SPATA13: variants seen among roughly 807,000 people sequenced by gnomAD.
SPATA13 encodes the protein spermatogenesis-associated protein 13.
Under a neutral mutation model 104.0 loss-of-function variants are expected in SPATA13, and 50 were observed. The ratio of observed to expected loss-of-function variants is 0.48; its 90% CI spans 0.38 to 0.61. The LOEUF (loss-of-function observed/expected upper bound fraction) is 0.61. Ranked by LOEUF, SPATA13 falls within the 20% of genes least tolerant of loss-of-function variation. The probability of loss-of-function intolerance (pLI) is 0.00; values close to 1 mark genes in which losing one functional copy is unlikely to be tolerated. For synonymous variants in SPATA13, 606 were observed against 667.5 expected (o/e 0.91, Z 1.42); for missense variants, 1,524 against 1,690.6 (o/e 0.90, Z 1.73).
intron 1 of SPATA13, among the ~76,000 whole-genome samples, chr13:24,189,947 A>AAT (rs1294852721): frequency 3.0e-5 from 1 of 32,974 alleles, no homozygotes; most frequent in African/African-American, 1.1e-4. Context: ...TATATTACAT[A>AAT]ATATATTATA....
At chr13:23,999,102 T>A (rs1264715056) in intron 2 of SPATA13, among the ~76,000 whole-genome samples, 11 of 152,050 alleles carry the variant, frequency 7.2e-5, no homozygotes, top group South Asian at 2.1e-4. Context: ...ACTTTTTGTA[T>A]TGTTAGTAGA....
intron 3 of SPATA13, among the ~76,000 whole-genome samples, chr13:24,095,046 A>G (rs1880027709): frequency 1.3e-5 from 2 of 152,204 alleles, no homozygotes; most frequent in Non-Finnish European, 2.9e-5. Flanking sequence ...CAGCAATCCC[A>G]CTTCTGGGTA....
intron 12 of SPATA13, 41 bp downstream of exon 12, chr13:24,300,516 G>A: frequency 6.3e-7 from 1 of 1,580,326 alleles, no homozygotes; most frequent in South Asian, 1.1e-5. Context: ...ATGCTTATCA[G>A]TATTCTCCTG....
At chr13:24,036,664 G>T (rs532223937) in intron 3 of SPATA13, among the ~76,000 whole-genome samples, 33 of 152,092 alleles carry the variant, frequency 2.2e-4, no homozygotes, top group South Asian at 1.0e-3. Flanking sequence ...CTAAAACTTC[G>T]CAATTCTGTG....
upstream of SPATA13, among the ~76,000 whole-genome samples, chr13:24,158,161 G>A (rs1882319020): frequency 6.6e-6 from 1 of 152,214 alleles, no homozygotes; most frequent in Non-Finnish European, 1.5e-5. Flanking sequence ...TTGGGTGAAA[G>A]TTTTGAATAT....
intron 2 of SPATA13, among the ~76,000 whole-genome samples, chr13:23,997,921 G>T (rs1319680256): frequency 2.0e-5 from 3 of 152,144 alleles, no homozygotes; most frequent in Non-Finnish European, 4.4e-5. Context: ...ATCAGTCTTG[G>T]AGGGGACAAA....
rs1458068316 is a variant in SPATA13, at chr13:24,103,504, A to AAAAAAAAAAAAAAAAAAAAG, written c.-112+85804_-112+85805insAAAAAAAAAAAAAAAAAAGA. The stretch of plus-strand genomic sequence containing the variant: ...TGTCTCAAAAAAAAAAAAAAAAAAC[A>AAAAAAAAAAAAAAAAAAAAG]AGAAAGAAAAGAGCAGGGGAGGAGA... On this transcript the variant is annotated intron_variant, in intron 3 of 14. Coordinates refer to the SPATA13 transcript ENST00000424834. 1.0e-4 allele frequency among the ~76,000 whole-genome samples: 12 copies of AAAAAAAAAAAAAAAAAAAAG among 115,580 alleles called. 2 individuals carry two copies. The highest frequency in any genetic ancestry group is 8.9e-5 in the Non-Finnish European group (5 of 55,976). 75.8% of individuals were successfully genotyped at this position (115,580 alleles called of 152,430 possible).
At chr13:24,238,204 T>A (rs1041702758) in intron 2 of SPATA13, among the ~76,000 whole-genome samples, 1 of 142,124 alleles carries the variant, frequency 7.0e-6, no homozygotes, top group Admixed American at 7.7e-5. Flanking sequence ...TCTCCCAGAC[T>A]GGAGTGCAGT....
chr13:24,214,004 A>G (rs1238694228), intron 1 of SPATA13, among the ~76,000 whole-genome samples: 1 of 152,226 alleles, frequency 6.6e-6, no homozygotes, highest in Non-Finnish European at 1.5e-5. Context: ...GGCATTTTAT[A>G]TATGTTTGGT....
intron 1 of SPATA13, among the ~76,000 whole-genome samples, chr13:24,195,799 T>A (rs1870022729): frequency 6.6e-6 from 1 of 152,146 alleles, no homozygotes; most frequent in Non-Finnish European, 1.5e-5. Flanking sequence ...CTTAAATTGG[T>A]TAATATAGCT....
At chr13:24,064,549 C>T (rs1260273059) in intron 3 of SPATA13, among the ~76,000 whole-genome samples, 3 of 152,130 alleles carry the variant, frequency 2.0e-5, no homozygotes, top group Non-Finnish European at 4.4e-5. Flanking sequence ...CTCCCACGCC[C>T]TTATTGCCAT....
At chr13:24,293,050 C>CA (rs1876516446) in intron 9 of SPATA13, among the ~76,000 whole-genome samples, 1 of 110,856 alleles carries the variant, frequency 9.0e-6, no homozygotes, top group Admixed American at 1.0e-4. Context: ...AGCCTTCTTA[C>CA]AATTAGATTG....
In SPATA13 at chr13:24,106,153, C is replaced by T. The variant is rs61083651; in HGVS notation, c.-112+88452C>T. On this transcript the variant is annotated intron_variant, in intron 3 of 14. Coordinates refer to the SPATA13 transcript ENST00000424834. ...GACTCTTGCAACCCTCCTGCCCCAGCCTCCCAAGTAGCTTGGACACCAGGT... is the reference window on the plus strand; with the variant it reads ...GACTCTTGCAACCCTCCTGCCCCAGTCTCCCAAGTAGCTTGGACACCAGGT... Among the ~76,000 whole-genome samples, 1,152 of 152,278 alleles carry T rather than the reference C, an allele frequency of 7.6e-3. 13 individuals carry two copies. Among genetic ancestry groups the T allele is most frequent in the African/African-American group, 0.027 (1,109 of 41,546 alleles).
intron 1 of SPATA13, among the ~76,000 whole-genome samples, chr13:24,196,204 C>G (rs1870047594): frequency 6.6e-6 from 1 of 152,082 alleles, no homozygotes; most frequent in Admixed American, 6.5e-5. Flanking sequence ...GTCAGTACTC[C>G]TGTGGAGTTT....
chr13:24,091,701 C>T (rs954580335), intron 3 of SPATA13, among the ~76,000 whole-genome samples: 7 of 152,144 alleles, frequency 4.6e-5, no homozygotes, highest in African/African-American at 1.7e-4. Context: ...ATCCCAGGTA[C>T]TAAGGAGGCT....
intron 3 of SPATA13, among the ~76,000 whole-genome samples, chr13:24,131,401 C>T (rs915714709): frequency 6.6e-6 from 1 of 152,160 alleles, no homozygotes; most frequent in African/African-American, 2.4e-5. Context: ...AACCATCTAC[C>T]CGAAGCATCT....
intron 3 of SPATA13, among the ~76,000 whole-genome samples, chr13:24,101,634 C>A (rs1566103449): frequency 6.6e-6 from 1 of 152,204 alleles, no homozygotes. Context: ...CTGAACAACT[C>A]ATTTCCCCCT....
chr13:24,023,858 C>T (rs1877087519), intron 3 of SPATA13, among the ~76,000 whole-genome samples: 3 of 152,210 alleles, frequency 2.0e-5, no homozygotes, highest in Admixed American at 6.5e-5. Context: ...TGAACTTCCA[C>T]CCTGCAGCAG....
intron 3 of SPATA13, among the ~76,000 whole-genome samples, chr13:24,022,730 G>A (rs1877041014): frequency 6.6e-6 from 1 of 152,158 alleles, no homozygotes; most frequent in African/African-American, 2.4e-5. Flanking sequence ...GCATGTGGGA[G>A]GATTTGGGGT....
Sources: allele counts gnomAD v4.1 joint callset (sites outside exome capture counted in the v4.1 genomes callset), GRCh38; gene constraint gnomAD v4.1.1; transcripts MANE v1.5; gene names NCBI Gene and HGNC (gene_info 2026-07-23, HGNC 2026-07-21).